GJC1: variants seen among roughly 807,000 people sequenced by gnomAD.
GJC1 encodes gap junction gamma-1 protein.
Under a neutral mutation model 29.3 loss-of-function variants are expected in GJC1, and 5 were observed. That is an observed-to-expected ratio of 0.17 (90% CI 0.09 to 0.36). The LOEUF is 0.36. Ranked by LOEUF, GJC1 falls within the 10% of genes least tolerant of loss-of-function variation. The probability of loss-of-function intolerance (pLI) is 1.00; values close to 1 mark genes in which losing one functional copy is unlikely to be tolerated. For missense variants in GJC1, 310 were observed against 496.2 expected, an observed-to-expected ratio of 0.62 and a Z score of 3.56; for synonymous variants, 177 against 183.3, an observed-to-expected ratio of 0.97 and a Z score of 0.28.
At chr17:44,824,516 T>C (rs113882147) in intron 1 of GJC1, among the ~76,000 whole-genome samples, 17,296 of 151,982 alleles carry the variant, frequency 0.11, 1,270 homozygotes, top group Non-Finnish European at 0.17. Context: ...TTGCCCAGGG[T>C]GGTCTCAAAC....
In GJC1 at chr17:44,803,352, TA is replaced by T. The variant is rs2049874128; in HGVS notation, c.*1274del. 6.6e-6 allele frequency: 1 copy of T among 152,106 alleles called. No individual in the cohort carries two copies. Among genetic ancestry groups the T allele is most frequent in the Non-Finnish European group, 1.5e-5 (1 of 68,000 alleles). 9.4% of individuals were successfully genotyped at this position (152,106 alleles called of 1,614,324 possible). A position where few individuals can be genotyped will look rare whatever the true frequency, so the allele number is the denominator to read the frequency against. ...TCCAACATAAGGCTGAAAATGACAA[TA>T]AAAGACTGCAATAAAAGACTAGTGG... On this transcript the variant is annotated 3_prime_UTR_variant, in exon 3 of 3. Coordinates refer to ENST00000592524, the MANE Select transcript of GJC1 (RefSeq NM_005497.4).
chr17:44,811,060 C>T (rs372193438), intron 1 of GJC1, among the ~76,000 whole-genome samples: 3 of 152,020 alleles, frequency 2.0e-5, no homozygotes, highest in Admixed American at 1.3e-4. Context: ...TGAGCCACCA[C>T]ACGCAGCCAA....
At chr17:44,825,054 A>T (rs1038810921) in intron 1 of GJC1, among the ~76,000 whole-genome samples, 2 of 151,480 alleles carry the variant, frequency 1.3e-5, no homozygotes, top group South Asian at 2.1e-4. Context: ...TCCAAAAAAA[A>T]TTTTAAAATT....
rs191861637 is a variant in GJC1 at position 44,815,124 on chromosome 17, G to A, written c.-96-7655C>T. On this transcript the variant is annotated intron_variant, in intron 1 of 2. Coordinates refer to ENST00000592524, the MANE Select transcript of GJC1 (RefSeq NM_005497.4). ...AATGACATGGAAGCACATGTCAAGTGGTGGAGATGGGTGGAGGCCAAATAC... is the reference window on the plus strand; with the variant it reads ...AATGACATGGAAGCACATGTCAAGTAGTGGAGATGGGTGGAGGCCAAATAC... Among the ~76,000 whole-genome samples, 548 of 152,196 alleles carry A rather than the reference G, an allele frequency of 3.6e-3. 1 individual carries two copies. Among genetic ancestry groups the A allele is most frequent in the African/African-American group, 0.013 (534 of 41,544 alleles).
rs555863632 is a variant in GJC1 at position 44,799,016 on chromosome 17, C to T, written c.*5611G>A. On this transcript the variant is annotated 3_prime_UTR_variant, in exon 3 of 3. Coordinates refer to ENST00000592524, the MANE Select transcript of GJC1 (RefSeq NM_005497.4). ...TCCCAAGTAGCTGTAAGTACAGGCA[C>T]GTGCCACCATACCTAATTTTTATAT... 7 of 152,252 alleles carry T rather than the reference C, an allele frequency of 4.6e-5. No individual in the cohort carries two copies. The East Asian group carries it at 7.7e-4, about 17-fold the overall frequency. 9.4% of individuals were successfully genotyped at this position (152,252 alleles called of 1,614,324 possible). A position where few individuals can be genotyped will look rare whatever the true frequency, so the allele number is the denominator to read the frequency against.
rs1351089943 is a variant in GJC1 at position 44,800,587 on chromosome 17, G to GT, written c.*4039dup. ...TGTCTCTTAAATGAGACAGCATAAAGTATGGACTTGTAGAAGCTGAACGAG... is the reference window on the plus strand; with the variant it reads ...TGTCTCTTAAATGAGACAGCATAAAGTTATGGACTTGTAGAAGCTGAACGAG... On this transcript the variant is annotated 3_prime_UTR_variant, in exon 3 of 3. Transcript: ENST00000592524. 1 of 152,192 alleles carries GT rather than the reference G, an allele frequency of 6.6e-6. No homozygotes were observed. The highest frequency in any genetic ancestry group is 1.5e-5 in the Non-Finnish European group (1 of 68,044). 9.4% of individuals were successfully genotyped at this position (152,192 alleles called of 1,614,324 possible). A position where few individuals can be genotyped will look rare whatever the true frequency, so the allele number is the denominator to read the frequency against.
At position 44,804,283 on chromosome 17, in the gene GJC1, A is replaced by C. The variant is rs1156901980; in HGVS notation, c.*344T>G. The C allele has an allele frequency of 5.1e-6, 1 of 197,890 alleles. No homozygotes were observed. The highest frequency in any genetic ancestry group is 1.0e-5 in the Non-Finnish European group (1 of 98,768). The allele number at this position is 197,890 out of a possible 1,614,324, so 12.3% of individuals were successfully genotyped here. ...CTACAGCAGTTCAATGTACAAATAC[A>C]AAAAAAGTTCTCATACTAAAAAAAA... On this transcript the variant is annotated 3_prime_UTR_variant, in exon 3 of 3. Transcript: ENST00000592524.
Position 44,804,762 on chromosome 17 carries a change from T to C in GJC1, c.1056A>G (p.Ala352=), listed in dbSNP as rs2049892398. The change falls in exon 3 of 3, where the codon GCA becomes GCG. Residue 352 remains alanine, a synonymous_variant. Transcript: ENST00000592524. The part of the protein sequence containing the change: ...IRMAQERLDL[A]VQAYSHQNNP... Reference sequence around the variant, plus strand: ...TGTTTTGGTGACTGTAGGCCTGAACTGCCAGATCCAAGCGTTCCTGAGCCA... The same window carrying C: ...TGTTTTGGTGACTGTAGGCCTGAACCGCCAGATCCAAGCGTTCCTGAGCCA... The C allele has an allele frequency of 6.2e-7, 1 of 1,614,206 alleles. No homozygotes were observed.
chr17:44,819,659 AAAATAAAT>A (rs199517100), intron 1 of GJC1, among the ~76,000 whole-genome samples: 2,219 of 146,228 alleles, frequency 0.015, 30 homozygotes, highest in African/African-American at 0.029. Flanking sequence ...CTCCGTCTCA[AAAATAAAT>A]AAATAAATAA....
intron 1 of GJC1, among the ~76,000 whole-genome samples, chr17:44,825,744 C>T (rs1392907894): frequency 1.3e-5 from 2 of 150,996 alleles, no homozygotes; most frequent in Admixed American, 6.6e-5. Flanking sequence ...CACTGCACTC[C>T]ACCCTGGGTG....
Position 44,806,401 on chromosome 17 carries a change from G to GTTTTTT in GJC1, c.-20-570_-20-565dup, listed in dbSNP as rs35152035. ...TTCTCAGACCTTGGTTCTTCTGTTTGTTTTTTTTTTTTTTTTTTGAGACAG... is the reference window on the plus strand; with the variant it reads ...TTCTCAGACCTTGGTTCTTCTGTTTGTTTTTTTTTTTTTTTTTTTTTTTTGAGACAG... On this transcript the variant is annotated intron_variant, in intron 2 of 2. Transcript: ENST00000592524. Among the ~76,000 whole-genome samples, 173 of 122,118 alleles carry GTTTTTT rather than the reference G, an allele frequency of 1.4e-3. 1 individual carries two copies. Among genetic ancestry groups the GTTTTTT allele is most frequent in the African/African-American group, 4.9e-3 (162 of 33,016 alleles). 80.1% of individuals were successfully genotyped at this position (122,118 alleles called of 152,430 possible).
chr17:44,819,742 T>G (rs1394633555), intron 1 of GJC1, among the ~76,000 whole-genome samples: 2 of 152,156 alleles, frequency 1.3e-5, no homozygotes, highest in Non-Finnish European at 2.9e-5. Flanking sequence ...GAATAATATA[T>G]TCCATAGTAT....
intron 1 of GJC1, among the ~76,000 whole-genome samples, chr17:44,828,922 G>A (rs1234471337): frequency 6.6e-6 from 1 of 151,648 alleles, no homozygotes; most frequent in Non-Finnish European, 1.5e-5. Flanking sequence ...GAGATATGCT[G>A]TTTCCTGCTT....
chr17:44,801,530 G>C lies in GJC1; in HGVS notation c.*3097C>G, dbSNP rs1322976717. ...ATACAAATCCCACCTGCATGATCCAGAACAATATTCTTACAGATTCAATGC... is the reference window on the plus strand; with the variant it reads ...ATACAAATCCCACCTGCATGATCCACAACAATATTCTTACAGATTCAATGC... On this transcript the variant is annotated 3_prime_UTR_variant, in exon 3 of 3. Coordinates refer to ENST00000592524, the MANE Select transcript of GJC1 (RefSeq NM_005497.4). 6.6e-6 allele frequency: 1 copy of C among 152,038 alleles called. No homozygotes were observed. The highest frequency in any genetic ancestry group is 2.4e-5 in the African/African-American group (1 of 41,394). 9.4% of individuals were successfully genotyped at this position (152,038 alleles called of 1,614,324 possible).
chr17:44,827,981 T>C (rs373225002), intron 1 of GJC1, among the ~76,000 whole-genome samples: 34 of 152,334 alleles, frequency 2.2e-4, no homozygotes, highest in African/African-American at 7.5e-4. Context: ...GAATTAGGCA[T>C]GGAACAAACA....
At chr17:44,814,268 G>A (rs1220819963) in intron 1 of GJC1, among the ~76,000 whole-genome samples, 1 of 151,642 alleles carries the variant, frequency 6.6e-6, no homozygotes, top group African/African-American at 2.4e-5. Flanking sequence ...AGCCTCCCGA[G>A]AAGCTGGGAC....
rs144810422 is a variant in GJC1, at chr17:44,827,993, T to C, written c.-97+2069A>G. 2.4e-3 allele frequency among the ~76,000 whole-genome samples: 371 copies of C among 152,292 alleles called. 1 individual carries two copies. Among genetic ancestry groups the C allele is most frequent in the African/African-American group, 8.2e-3 (342 of 41,564 alleles). On this transcript the variant is annotated intron_variant, in intron 1 of 2. Transcript: ENST00000592524. ...ATTGAATTAGGCATGGAACAAACACTAAGCATTTGTTAAGAGAACGATGCT... is the reference window on the plus strand; with the variant it reads ...ATTGAATTAGGCATGGAACAAACACCAAGCATTTGTTAAGAGAACGATGCT...
At chr17:44,818,340 T>C (rs983112047) in intron 1 of GJC1, among the ~76,000 whole-genome samples, 12 of 152,158 alleles carry the variant, frequency 7.9e-5, no homozygotes, top group African/African-American at 2.9e-4. Flanking sequence ...ACAAGCTTTC[T>C]TGGTAGCTGG....
In GJC1 at chr17:44,801,478, G is replaced by A. The variant is rs1384322776; in HGVS notation, c.*3149C>T. 1 of 152,204 alleles carries A rather than the reference G, an allele frequency of 6.6e-6. No individual in the cohort carries two copies. The highest frequency in any genetic ancestry group is 1.5e-5 in the Non-Finnish European group (1 of 68,048). 9.4% of individuals were successfully genotyped at this position (152,204 alleles called of 1,614,324 possible). A position where few individuals can be genotyped will look rare whatever the true frequency, so the allele number is the denominator to read the frequency against. On this transcript the variant is annotated 3_prime_UTR_variant, in exon 3 of 3. Transcript: ENST00000592524. ...AAAACAGTATGATTCTGATGCGAGT[G>A]AGAACTAAATGTTGGACAGGCTTTT...
Sources: allele counts gnomAD v4.1 joint callset (sites outside exome capture counted in the v4.1 genomes callset), GRCh38; gene constraint gnomAD v4.1.1; transcripts MANE v1.5; gene names NCBI Gene and HGNC (gene_info 2026-07-23, HGNC 2026-07-21).